The following RIMS2 variants were observed in gnomAD, a reference collection of about 807,000 sequenced individuals.
The protein encoded by RIMS2 is regulating synaptic membrane exocytosis 2.
A neutral mutation model predicts 174.4 loss-of-function variants in RIMS2; 59 were observed. That is an observed-to-expected ratio of 0.34 (90% CI 0.27 to 0.42). The LOEUF (loss-of-function observed/expected upper bound fraction) is 0.42. RIMS2 is among the 10% of genes least tolerant of loss of function. The pLI, the probability that RIMS2 is intolerant of heterozygous loss-of-function variation, is 1.00. For missense variants in RIMS2, 1,620 were observed against 1,666.3 expected, an observed-to-expected ratio of 0.97 and a Z score of 0.48; for synonymous variants, 606 against 572.5, an observed-to-expected ratio of 1.06 and a Z score of -0.84.
chr8:104,177,815 G>T (rs1209916906), intron 19 of RIMS2, among the ~76,000 whole-genome samples: 1 of 152,094 alleles, frequency 6.6e-6, no homozygotes, highest in East Asian at 1.9e-4. Flanking sequence ...GCTGGCCTCG[G>T]TGTCTATCAT....
chr8:104,125,264 G>A (rs4486168), intron 19 of RIMS2, among the ~76,000 whole-genome samples: 86,160 of 152,034 alleles, frequency 0.57, 27,274 homozygotes, highest in East Asian at 0.92. Flanking sequence ...TTGACTGAGC[G>A]ATATGTATTT....
chr8:103,958,913 T>C (rs2088704767), intron 14 of RIMS2, among the ~76,000 whole-genome samples: 1 of 152,134 alleles, frequency 6.6e-6, no homozygotes, highest in African/African-American at 2.4e-5. Context: ...ATAGTAGTGA[T>C]TCTGGAAGTC....
chr8:103,793,987 C>T (rs199977418), intron 3 of RIMS2, among the ~76,000 whole-genome samples: 2 of 152,056 alleles, frequency 1.3e-5, no homozygotes, highest in Admixed American at 6.6e-5. Context: ...GAATCAATAT[C>T]GTGAAAATGG....
intron 1 of RIMS2, among the ~76,000 whole-genome samples, chr8:103,625,884 A>C (rs2095769338): frequency 6.6e-6 from 1 of 151,768 alleles, no homozygotes; most frequent in African/African-American, 2.4e-5. Flanking sequence ...GTAGACATAC[A>C]TTTATTATGT....
intron 19 of RIMS2, among the ~76,000 whole-genome samples, chr8:104,151,877 G>A (rs557908476): frequency 3.8e-4 from 58 of 152,118 alleles, no homozygotes; most frequent in Middle Eastern, 3.4e-3. Context: ...ATTGCGCGGA[G>A]GAAGAGCCCA....
At chr8:104,225,495 A>C (rs979391209) in intron 19 of RIMS2, among the ~76,000 whole-genome samples, 2 of 152,176 alleles carry the variant, frequency 1.3e-5, no homozygotes, top group Non-Finnish European at 2.9e-5. Flanking sequence ...TTTTACACCA[A>C]GTCTTCAGTC....
intron 3 of RIMS2, among the ~76,000 whole-genome samples, chr8:103,812,302 C>G (rs750312663): frequency 1.5e-4 from 22 of 145,576 alleles, no homozygotes; most frequent in Non-Finnish European, 3.1e-4. Flanking sequence ...TAAGTTGAAG[C>G]ATAGGTCAAA....
At chr8:103,920,772 G>A (rs750045638) in intron 9 of RIMS2, 1 of 446,294 alleles carries the variant, frequency 2.2e-6, no homozygotes, top group South Asian at 1.6e-5. Context: ...GGCGGATCAC[G>A]AGGTCAGGAG....
intron 1 of RIMS2, among the ~76,000 whole-genome samples, chr8:103,577,281 C>T (rs867348005): frequency 3.3e-5 from 5 of 152,292 alleles, no homozygotes; most frequent in Middle Eastern, 3.4e-3. Flanking sequence ...ACAGACACTT[C>T]TCAAAAGGAG....
At chr8:103,737,503 T>C (rs2097701973) in intron 2 of RIMS2, among the ~76,000 whole-genome samples, 1 of 152,030 alleles carries the variant, frequency 6.6e-6, no homozygotes, top group Non-Finnish European at 1.5e-5. Context: ...AACTTCTTAA[T>C]TGGTCTCTTT....
At chr8:103,939,599 A>G (rs2082078521) in intron 13 of RIMS2, among the ~76,000 whole-genome samples, 1 of 152,212 alleles carries the variant, frequency 6.6e-6, no homozygotes. Flanking sequence ...CTCATTACTT[A>G]TGCAAATTTC....
intron 1 of RIMS2, among the ~76,000 whole-genome samples, chr8:103,640,324 CA>C (rs1291944541): frequency 5.3e-5 from 8 of 151,716 alleles, no homozygotes; most frequent in Non-Finnish European, 1.0e-4. Flanking sequence ...TTGGTCTTTT[CA>C]AAGAGGTGGC....
At chr8:104,071,972 C>G (rs1405443557) in intron 19 of RIMS2, among the ~76,000 whole-genome samples, 1 of 152,116 alleles carries the variant, frequency 6.6e-6, no homozygotes, top group Non-Finnish European at 1.5e-5. Context: ...CTGACAAATC[C>G]TACTGAATGT....
intron 19 of RIMS2, among the ~76,000 whole-genome samples, chr8:104,080,539 A>G (rs188963087): frequency 6.6e-6 from 1 of 152,108 alleles, no homozygotes; most frequent in African/African-American, 2.4e-5. Context: ...TATATGTGTA[A>G]TGTTTTGCAT....
chr8:104,100,845 G>GTATTATATATGTAATATA (rs1303793366), intron 19 of RIMS2, among the ~76,000 whole-genome samples: 8 of 135,046 alleles, frequency 5.9e-5, no homozygotes, highest in African/African-American at 1.7e-4. Context: ...TAATATATAT[G>GTATTATATATGTAATATA]TATTATATAT....
At chr8:103,825,115 T>C (rs912317973) in intron 3 of RIMS2, among the ~76,000 whole-genome samples, 5 of 152,106 alleles carry the variant, frequency 3.3e-5, no homozygotes, top group African/African-American at 4.8e-5. Context: ...TTCACACTCC[T>C]TCCCAGTCAA....
At chr8:103,791,611 A>G (rs143587393) in intron 3 of RIMS2, among the ~76,000 whole-genome samples, 23,909 of 152,160 alleles carry the variant, frequency 0.16, 1,983 homozygotes, top group Middle Eastern at 0.25. Context: ...CTCCAATTAA[A>G]AGACACAGAC....
chr8:104,006,480 G>A (rs934808924), intron 17 of RIMS2, among the ~76,000 whole-genome samples: 7 of 152,098 alleles, frequency 4.6e-5, no homozygotes, highest in African/African-American at 1.7e-4. Flanking sequence ...AACCTGGGAG[G>A]TGGAGGTTGT....
intron 1 of RIMS2, among the ~76,000 whole-genome samples, chr8:103,682,797 C>G (rs2096896134): frequency 6.6e-6 from 1 of 152,136 alleles, no homozygotes; most frequent in Non-Finnish European, 1.5e-5. Flanking sequence ...ACTGTCTTAT[C>G]AAGACATTGT....
Sources: gnomAD v4.1 joint callset for allele counts (sites outside exome capture counted in the v4.1 genomes callset) on GRCh38, gnomAD v4.1.1 for gene constraint, MANE v1.5 for transcripts, NCBI Gene and HGNC (gene_info 2026-07-23, HGNC 2026-07-21) for gene names.